The following SLC17A3 variants were observed in gnomAD, a reference collection of about 807,000 sequenced individuals.
The protein encoded by SLC17A3 is solute carrier family 17 member 3.
SLC17A3 carries 61 observed loss-of-function variants against 60.3 expected under a neutral mutation model. The observed-to-expected ratio is 1.01, with a 90% CI of 0.82 to 1.25. The LOEUF (loss-of-function observed/expected upper bound fraction) is 1.25, where lower values mean the gene tolerates loss of function less well. SLC17A3 is among the 50% of genes most tolerant of loss of function. SLC17A3 has a pLI of 0.00. For missense variants in SLC17A3, 624 were observed against 594.9 expected, an observed-to-expected ratio of 1.05 and a Z score of -0.51; for synonymous variants, 192 against 208.9, an observed-to-expected ratio of 0.92 and a Z score of 0.70.
chr6:25,868,535 G>A, intron 1 of SLC17A3, 115 bp from the exon 2 acceptor site: 1 of 687,890 alleles, frequency 1.5e-6, no homozygotes, highest in Admixed American at 2.2e-5. Flanking sequence ...TCTGGTTGGA[G>A]ACAGGGAGGC....
chr6:25,863,102 C>T (rs1677956218), intron 2 of SLC17A3, among the ~76,000 whole-genome samples: 1 of 152,050 alleles, frequency 6.6e-6, no homozygotes, highest in South Asian at 2.1e-4. Flanking sequence ...TGTATTTGTA[C>T]AGCCAGGAAA....
At chr6:25,863,055 T>C (rs1427971387) in intron 2 of SLC17A3, among the ~76,000 whole-genome samples, 1 of 151,864 alleles carries the variant, frequency 6.6e-6, no homozygotes, top group Non-Finnish European at 1.5e-5. Flanking sequence ...AAGTGAAAAA[T>C]AGTGGAAAAA....
Position 25,850,837 on chromosome 6 carries a change from C to A in SLC17A3, c.753G>T (p.Val251=). 6.2e-7 allele frequency: 1 copy of A among 1,614,056 alleles called. No individual in the cohort carries two copies. Among genetic ancestry groups the A allele is most frequent in the Non-Finnish European group, 8.5e-7 (1 of 1,179,938 alleles). ...GCVCCLLWFV[V]IYDDPVSYPW... ...GATAGGAAACGGGGTCATCATAAAT[C>A]ACAACAAACCAGAGAAGGCAGCAGA... Residue 251 remains valine, a synonymous_variant, in exon 7 of 13, where the codon GTG becomes GTT. Transcript: ENST00000397060.
Position 25,850,528 on chromosome 6 carries a change from C to A in SLC17A3, c.924G>T (p.Trp308Cys). Residue 308 changes from tryptophan (W) to cysteine (C), a missense_variant, in exon 8 of 13, where the codon TGG becomes TGT. Physicochemically the swap from Trp to Cys is radical, Grantham distance 215. Transcript: ENST00000397060. ...SICLGCFSHQWLVSTMVVYIP... is the reference protein window; with the variant it reads ...SICLGCFSHQCLVSTMVVYIP... ...TGTATACAACCATTGTGCTAACTAA[C>A]CATTGATGGCTGAAACAGCCTAAAC... 1 of 1,613,824 alleles carries A rather than the reference C, an allele frequency of 6.2e-7. No individual in the cohort carries two copies. Among genetic ancestry groups the A allele is most frequent in the Non-Finnish European group, 8.5e-7 (1 of 1,179,778 alleles).
In SLC17A3 at chr6:25,862,271, CA is replaced by C; in HGVS notation, c.264del (p.Phe88LeufsTer4). On this transcript the variant is annotated frameshift_variant, in exon 3 of 13. Transcript: ENST00000397060. LOFTEE classifies it high-confidence loss of function. ...DSSEVLPVDS[F>X]GGLSKAPKSL... ...CTCTTTGGGGCTTTACTTAGGCCAC[CA>C]AATGAGTCAACAGGCAGCACCTCAG... 2 of 1,613,742 alleles carry C rather than the reference CA, an allele frequency of 1.2e-6. No homozygotes were observed. Among genetic ancestry groups the C allele is most frequent in the Admixed American group, 3.3e-5 (2 of 59,984 alleles).
rs1243048804 is a variant in SLC17A3, at chr6:25,849,942, G to A, written c.1134C>T (p.Pro378=). 2 of 1,613,944 alleles carry A rather than the reference G, an allele frequency of 1.2e-6. No homozygotes were observed. The highest frequency in any genetic ancestry group is 2.7e-5 in the African/African-American group (2 of 74,936). Residue 378 remains proline, a synonymous_variant, in exon 10 of 13, where the codon CCC becomes CCT. Coordinates refer to ENST00000397060, the MANE Select transcript of SLC17A3 (RefSeq NM_001098486.2). ...RKIATILGSL[P]SSALIVSLPY... ...GCAGAGACACAATGAGTGCTGAAGAGGGGAGACTTCCTAGGAAATGAAGAA... is the reference window on the plus strand; with the variant it reads ...GCAGAGACACAATGAGTGCTGAAGAAGGGAGACTTCCTAGGAAATGAAGAA...
At chr6:25,850,689 A>C (rs1446486605) in intron 7 of SLC17A3, 69 bp from the exon 8 acceptor site, 3 of 1,606,176 alleles carry the variant, frequency 1.9e-6, no homozygotes, top group Non-Finnish European at 2.6e-6. Context: ...ACCCTTAAAA[A>C]TCCAGATTTA....
chr6:25,869,855 T>A (rs1765612538), intron 1 of SLC17A3, among the ~76,000 whole-genome samples: 1 of 151,984 alleles, frequency 6.6e-6, no homozygotes, highest in Admixed American at 6.6e-5. Flanking sequence ...TATCAGGAAT[T>A]ATAAAGTATG....
chr6:25,850,122 C>A lies in SLC17A3; in HGVS notation c.1049G>T (p.Gly350Val), dbSNP rs1384180198. 6 of 1,613,562 alleles carry A rather than the reference C, an allele frequency of 3.7e-6. No homozygotes were observed. The East Asian group carries it at 1.3e-4, about 36-fold the overall frequency. ...TAGAAGGAAATCTGCCAGATAGCCTCCCACCATGCCTATGACCCAGGCAAC... is the reference window on the plus strand; with the variant it reads ...TAGAAGGAAATCTGCCAGATAGCCTACCACCATGCCTATGACCCAGGCAAC... Reference protein sequence around the residue: ...FIVAWVIGMVGGYLADFLLTK... With the variant: ...FIVAWVIGMVVGYLADFLLTK... Residue 350 changes from glycine (G) to valine (V), a missense_variant, in exon 9 of 13, where the codon GGA becomes GTA. Physicochemically the swap from Gly to Val is moderately radical, Grantham distance 109. Coordinates refer to ENST00000397060, the MANE Select transcript of SLC17A3 (RefSeq NM_001098486.2).
At position 25,850,519 on chromosome 6, in the gene SLC17A3, G is replaced by T. The variant is rs1291187594; in HGVS notation, c.933C>A (p.Ser311Arg). Residue 311 changes from serine (S) to arginine (R), a missense_variant, in exon 8 of 13, where the codon AGC becomes AGA. Ser to Arg is a moderately radical substitution (Grantham distance 110). Transcript: ENST00000397060. ...AAGTTGGTATGTATACAACCATTGTGCTAACTAACCATTGATGGCTGAAAC... is the reference window on the plus strand; with the variant it reads ...AAGTTGGTATGTATACAACCATTGTTCTAACTAACCATTGATGGCTGAAAC... Reference protein sequence around the residue: ...LGCFSHQWLVSTMVVYIPTYI... With the variant: ...LGCFSHQWLVRTMVVYIPTYI... 1 of 1,613,708 alleles carries T rather than the reference G, an allele frequency of 6.2e-7. No homozygotes were observed. Among genetic ancestry groups the T allele is most frequent in the Admixed American group, 1.7e-5 (1 of 59,994 alleles).
rs3215770 is a variant in SLC17A3, at chr6:25,845,204, GA to G, written c.*96del. The G allele has an allele frequency of 0.58, 347,990 of 600,208 alleles. 103,539 individuals carry two copies. The highest frequency in any genetic ancestry group is 0.87 in the African/African-American group (46,516 of 53,392). 37.2% of individuals were successfully genotyped at this position (600,208 alleles called of 1,614,324 possible). Reference sequence around the variant, plus strand: ...ATCTCATAATTGAAAAGAGCCACAGGAAAAAAAAAATCTTTTCACTGGTATT... The same window carrying G: ...ATCTCATAATTGAAAAGAGCCACAGGAAAAAAAAATCTTTTCACTGGTATT... On this transcript the variant is annotated 3_prime_UTR_variant, in exon 13 of 13. Coordinates refer to ENST00000397060, the MANE Select transcript of SLC17A3 (RefSeq NM_001098486.2).
intron 6 of SLC17A3, among the ~76,000 whole-genome samples, chr6:25,852,495 T>C (rs914671718): frequency 1.3e-5 from 2 of 152,178 alleles, no homozygotes; most frequent in Admixed American, 1.3e-4. Flanking sequence ...AACTTACTGA[T>C]GTTCTCATTT....
chr6:25,873,746 T>A (rs1196543615), intron 1 of SLC17A3, among the ~76,000 whole-genome samples: 1 of 152,128 alleles, frequency 6.6e-6, no homozygotes, highest in African/African-American at 2.4e-5. Flanking sequence ...TTGCCACTCT[T>A]ATAAATTACT....
At chr6:25,869,591 G>A (rs1422732200) in intron 1 of SLC17A3, among the ~76,000 whole-genome samples, 1 of 151,904 alleles carries the variant, frequency 6.6e-6, no homozygotes, top group East Asian at 1.9e-4. Flanking sequence ...GGCTGCGGAG[G>A]CCTCACACTC....
Position 25,862,309 on chromosome 6 carries a change from A to G in SLC17A3, c.227T>C (p.Leu76Pro). 2 of 1,613,844 alleles carry G rather than the reference A, an allele frequency of 1.2e-6. No individual in the cohort carries two copies. Among genetic ancestry groups the G allele is most frequent in the Admixed American group, 1.7e-5 (1 of 59,990 alleles). Reference sequence around the variant, plus strand: ...AGGCAGCACCTCAGAGGAATCATTGAGCTGGGATTGAGGGCTTGTGCTGTT... The same window carrying G: ...AGGCAGCACCTCAGAGGAATCATTGGGCTGGGATTGAGGGCTTGTGCTGTT... Reference protein sequence around the residue: ...MVNSTSPQSQLNDSSEVLPVD... With the variant: ...MVNSTSPQSQPNDSSEVLPVD... The change falls in exon 3 of 13, where the codon CTC (leucine) becomes CCC (proline). Residue 76 changes from leucine (L) to proline (P), a missense_variant. Coordinates refer to ENST00000397060, the MANE Select transcript of SLC17A3 (RefSeq NM_001098486.2).
At position 25,855,149 on chromosome 6, in the gene SLC17A3, A is replaced by G. The variant is rs768630596; in HGVS notation, c.707T>C (p.Ile236Thr). 3 of 1,606,586 alleles carry G rather than the reference A, an allele frequency of 1.9e-6. No individual in the cohort carries two copies. The highest frequency in any genetic ancestry group is 8.5e-7 in the Non-Finnish European group (1 of 1,173,466). Residue 236 changes from isoleucine to threonine, a missense_variant, in exon 6 of 13, where the codon ATC becomes ACC. Transcript: ENST00000397060. ...ACTGGGAGATAGTAGCTTACCAAAG[A>G]TATAGAAGACAAAGGGCCACCCAAG... The part of the protein sequence containing the change: ...ETLGWPFVFY[I>T]FGGVGCVCCL...
At chr6:25,854,527 C>T (rs1003551466) in intron 6 of SLC17A3, among the ~76,000 whole-genome samples, 4 of 152,154 alleles carry the variant, frequency 2.6e-5, no homozygotes, top group African/African-American at 9.7e-5. Context: ...AAAGAGCTCA[C>T]TGTCCAGAAG....
chr6:25,866,921 A>G (rs1228499727), intron 2 of SLC17A3, among the ~76,000 whole-genome samples: 4 of 151,990 alleles, frequency 2.6e-5, no homozygotes, highest in Non-Finnish European at 5.9e-5. Flanking sequence ...ATAATACAAT[A>G]ATACTGCATT....
chr6:25,851,384 A>G (rs1203579967), intron 6 of SLC17A3, among the ~76,000 whole-genome samples: 1 of 151,924 alleles, frequency 6.6e-6, no homozygotes, highest in Non-Finnish European at 1.5e-5. Context: ...ATGCCTTTTG[A>G]TGAGGATATA....
Sources: allele counts gnomAD v4.1 joint callset (sites outside exome capture counted in the v4.1 genomes callset), GRCh38; gene constraint gnomAD v4.1.1; transcripts MANE v1.5; gene names NCBI Gene and HGNC (gene_info 2026-07-23, HGNC 2026-07-21).